The following C11orf65 variants were observed in gnomAD, a reference collection of about 807,000 sequenced individuals.
C11orf65 encodes the protein chromosome 11 open reading frame 65.
C11orf65 carries 38 observed loss-of-function variants against 35.3 expected under a neutral mutation model. The ratio of observed to expected loss-of-function variants is 1.08; its 90% confidence interval spans 0.83 to 1.41. C11orf65 has a LOEUF of 1.41. Among genes scored for constraint, C11orf65 ranks in the 40% most tolerant of loss-of-function variants. The probability of loss-of-function intolerance (pLI) is 0.00; values close to 1 mark genes in which losing one functional copy is unlikely to be tolerated. For synonymous variants in C11orf65, 105 were observed against 114.4 expected, an observed-to-expected ratio of 0.92 and a Z score of 0.53; for missense variants, 370 against 367.1, an observed-to-expected ratio of 1.01 and a Z score of -0.06.
chr11:108,323,123 G>T (rs2085352281), intron 6 of C11orf65, among the ~76,000 whole-genome samples: 1 of 152,168 alleles, frequency 6.6e-6, no homozygotes, highest in Admixed American at 6.5e-5. Context: ...TTTGGAATAT[G>T]TTTTGGAAGT....
chr11:108,317,196 C>T (rs1268437917), intron 6 of C11orf65, among the ~76,000 whole-genome samples: 2 of 151,962 alleles, frequency 1.3e-5, no homozygotes, highest in Non-Finnish European at 2.9e-5. Flanking sequence ...GCCTCAGCCT[C>T]CCAAAGTGCT....
At chr11:108,310,476 A>G (rs1204755176) in intron 6 of C11orf65, among the ~76,000 whole-genome samples, 2 of 152,188 alleles carry the variant, frequency 1.3e-5, no homozygotes, top group African/African-American at 2.4e-5. Context: ...TTAAAAAGGA[A>G]TATGTAATTC....
intron 2 of C11orf65, among the ~76,000 whole-genome samples, chr11:108,443,856 C>G (rs986385306): frequency 6.6e-5 from 10 of 151,858 alleles, no homozygotes; most frequent in African/African-American, 2.4e-4. Flanking sequence ...AAATTACCAC[C>G]AGAGAAAGCA....
chr11:108,375,216 A>T (rs553688577), intron 2 of C11orf65, among the ~76,000 whole-genome samples: 5 of 151,902 alleles, frequency 3.3e-5, no homozygotes, highest in Non-Finnish European at 7.4e-5. Context: ...TGAAGGAAAA[A>T]ATGTTAAGGG....
At chr11:108,430,168 G>A (rs537385478) in intron 3 of C11orf65, among the ~76,000 whole-genome samples, 6 of 136,214 alleles carry the variant, frequency 4.4e-5, no homozygotes, top group South Asian at 2.3e-4. Flanking sequence ...TTGCTCTGTC[G>A]CCCAGGCTGG....
At chr11:108,436,771 T>G (rs933916881) in intron 2 of C11orf65, among the ~76,000 whole-genome samples, 3 of 152,180 alleles carry the variant, frequency 2.0e-5, no homozygotes, top group Non-Finnish European at 4.4e-5. Flanking sequence ...CACTATTTAT[T>G]GACTTTTTAA....
intron 2 of C11orf65, chr11:108,366,396 GTTTT>G (rs200629108): frequency 4.6e-6 from 1 of 216,344 alleles, no homozygotes; most frequent in Non-Finnish European, 9.3e-6. Flanking sequence ...CATTTTTAAT[GTTTT>G]TTTAATGTTT....
At position 108,431,721 on chromosome 11, in the gene C11orf65, C is replaced by T. The variant is rs766339679; in HGVS notation, c.174+25G>A. On this transcript the variant is annotated intron_variant, in intron 3 of 8. Coordinates refer to ENST00000393084, the MANE Select transcript of C11orf65 (RefSeq NM_152587.5). ...ACATTTTATGGAAAAATATAGGATG[C>T]TATATCAATAAGTAATGTCCTTACC... 5 of 1,187,600 alleles carry T rather than the reference C, an allele frequency of 4.2e-6. 1 individual carries two copies. The highest frequency in any genetic ancestry group is 4.0e-5 in the South Asian group (2 of 49,742). 73.6% of individuals were successfully genotyped at this position (1,187,600 alleles called of 1,614,324 possible).
chr11:108,414,126 A>C (rs575378836), intron 3 of C11orf65, among the ~76,000 whole-genome samples: 2 of 152,106 alleles, frequency 1.3e-5, no homozygotes, highest in South Asian at 4.1e-4. Flanking sequence ...AAGAAACAAA[A>C]AGCTGGTTTG....
chr11:108,367,939 GC>G (rs2091418075), intron 2 of C11orf65: 1 of 205,760 alleles, frequency 4.9e-6, no homozygotes, highest in East Asian at 7.5e-5. Context: ...CTTTAAGAAA[GC>G]CCTGAAATCT....
chr11:108,333,042 G>A lies in C11orf65; in HGVS notation c.300-1475C>T, dbSNP rs227059. 1 allele frequency: 1,023,648 copies of A among 1,024,260 alleles called. 511,522 individuals are homozygous for A. The highest frequency in any genetic ancestry group is 1 in the Middle Eastern group (3,178 of 3,178). 63.4% of individuals were successfully genotyped at this position (1,024,260 alleles called of 1,614,324 possible). On this transcript the variant is annotated intron_variant, in intron 3 of 3. Transcript: ENST00000524755. ...GCTTAATTTATATCTGATGGCTTCA[G>A]CATTCCCTGGTTACTTTTTCACTTA...
At chr11:108,362,123 C>G (rs2090838343) in intron 2 of C11orf65, among the ~76,000 whole-genome samples, 1 of 139,966 alleles carries the variant, frequency 7.1e-6, no homozygotes, top group Non-Finnish European at 1.5e-5. Flanking sequence ...ACAACCCCAT[C>G]AAAAAGTGGG....
rs1366649198 is a variant in C11orf65 at position 108,431,741 on chromosome 11, C to G, written c.174+5G>C. On this transcript the variant is annotated splice_donor_5th_base_variant and intron_variant, in intron 3 of 8. Coordinates refer to ENST00000393084, the MANE Select transcript of C11orf65 (RefSeq NM_152587.5). ...GGATGCTATATCAATAAGTAATGTC[C>G]TTACCTCTTTGGGATTAATATATTT... 2 of 1,419,924 alleles carry G rather than the reference C, an allele frequency of 1.4e-6. No homozygotes were observed. The highest frequency in any genetic ancestry group is 3.0e-5 in the South Asian group (2 of 66,060). 88.0% of individuals were successfully genotyped at this position (1,419,924 alleles called of 1,614,324 possible). A position where few individuals can be genotyped will look rare whatever the true frequency, so the allele number is the denominator to read the frequency against.
At chr11:108,331,356 G>A, downstream of C11orf65, 1 of 1,519,792 alleles carries the variant, frequency 6.6e-7, no homozygotes, top group South Asian at 1.3e-5. Context: ...TAATAGAGGA[G>A]CACTGTCTTA....
intron 2 of C11orf65, among the ~76,000 whole-genome samples, chr11:108,434,247 G>A (rs2093032789): frequency 6.6e-6 from 1 of 152,100 alleles, no homozygotes; most frequent in Admixed American, 6.5e-5. Context: ...GCTCATAGCT[G>A]TAATCCCAGC....
At chr11:108,422,393 C>T (rs1373926020) in intron 3 of C11orf65, among the ~76,000 whole-genome samples, 1 of 152,172 alleles carries the variant, frequency 6.6e-6, no homozygotes, top group African/African-American at 2.4e-5. Flanking sequence ...TGGAGGTCTT[C>T]TCTACCATTT....
chr11:108,360,496 AAG>A (rs1200539513), intron 2 of C11orf65, among the ~76,000 whole-genome samples: 57 of 126,256 alleles, frequency 4.5e-4, no homozygotes, highest in African/African-American at 1.1e-3. Context: ...ACAACCAAAA[AAG>A]AGAATTTTAG....
chr11:108,410,740 GC>G (rs1313505830), intron 3 of C11orf65, among the ~76,000 whole-genome samples: 1 of 135,588 alleles, frequency 7.4e-6, no homozygotes, highest in Admixed American at 7.9e-5. Flanking sequence ...ACAGAGTCTT[GC>G]TCTGTCGCTC....
rs959971210 is a variant in C11orf65, at chr11:108,338,285, A to G, written c.227-2993T>C. On this transcript the variant is annotated intron_variant, in intron 2 of 3. Coordinates refer to the C11orf65 transcript ENST00000524755. The stretch of plus-strand genomic sequence containing the variant: ...AGAATCACTTAAACCCGGATGGCAG[A>G]GGTTGCAGTTGAGCCGAGATCACAC... Among the ~76,000 whole-genome samples, 12 of 151,456 alleles carry G rather than the reference A, an allele frequency of 7.9e-5. No individual in the cohort carries two copies. In the East Asian group the frequency reaches 2.2e-3, roughly 27 times the overall value.
Sources: allele counts gnomAD v4.1 joint callset (sites outside exome capture counted in the v4.1 genomes callset), GRCh38; gene constraint gnomAD v4.1.1; transcripts MANE v1.5; gene names NCBI Gene and HGNC (gene_info 2026-07-23, HGNC 2026-07-21).